The following PCDH15 variants were observed in gnomAD, a reference collection of about 807,000 sequenced individuals.
The protein encoded by PCDH15 is protocadherin-15.
PCDH15 carries 129 observed loss-of-function variants against 178.5 expected under a neutral mutation model. That is an observed-to-expected ratio of 0.72 (90% CI 0.63 to 0.84). The LOEUF is 0.84. Among genes scored for constraint, PCDH15 ranks in the 40% least tolerant of loss-of-function variants. The pLI is 0.00. For synonymous variants in PCDH15, 800 were observed against 732.0 expected, an observed-to-expected ratio of 1.09 and a Z score of -1.50; for missense variants, 2,230 against 2,099.9, an observed-to-expected ratio of 1.06 and a Z score of -1.21.
At chr10:53,961,292 T>C (rs11003946) in intron 22 of PCDH15, among the ~76,000 whole-genome samples, 2,187 of 152,180 alleles carry the variant, frequency 0.014, 50 homozygotes, top group African/African-American at 0.047. Flanking sequence ...AGTTGCATGA[T>C]AGCATTTATT....
rs546114179 is a variant in PCDH15 at position 55,415,663 on chromosome 10, C to T, written c.-156+211962G>A. On this transcript the variant is annotated intron_variant, in intron 2 of 5. Coordinates refer to the PCDH15 transcript ENST00000613346. ...TACCAGGATGAAATAAAATCAATGT[C>T]CTCATGAAGCATAATGTTGGAGCTG... is the stretch of plus-strand genomic sequence containing the variant. Among the ~76,000 whole-genome samples, 5 of 151,620 alleles carry T rather than the reference C, an allele frequency of 3.3e-5. No homozygotes were observed. In the East Asian group the frequency reaches 9.7e-4, roughly 29 times the overall value.
chr10:55,183,168 A>G (rs1349744612), intron 1 of PCDH15, among the ~76,000 whole-genome samples: 1 of 152,016 alleles, frequency 6.6e-6, no homozygotes, highest in Non-Finnish European at 1.5e-5. Flanking sequence ...AGTTTTAGAA[A>G]TAGAATTTGA....
chr10:55,216,629 A>G lies in PCDH15; in HGVS notation c.-155-49978T>C, dbSNP rs139290708. Among the ~76,000 whole-genome samples the G allele has an allele frequency of 3.2e-4, 48 of 152,018 alleles. No individual in the cohort carries two copies. In the East Asian group the frequency reaches 9.1e-3, roughly 29 times the overall value. On this transcript the variant is annotated intron_variant, in intron 1 of 5. Coordinates refer to the PCDH15 transcript ENST00000458638. ...TCACAAAAAAAATGATAAATGTTTA[A>G]GGTGATGGATATGCTAATTACCTTG...
At chr10:55,260,699 A>C (rs1842126971) in intron 1 of PCDH15, among the ~76,000 whole-genome samples, 1 of 152,226 alleles carries the variant, frequency 6.6e-6, no homozygotes, top group African/African-American at 2.4e-5. Context: ...AAAGTCATTT[A>C]AATACAAATA....
At chr10:54,003,920 G>T (rs374447233) in intron 20 of PCDH15, among the ~76,000 whole-genome samples, 1 of 151,758 alleles carries the variant, frequency 6.6e-6, no homozygotes, top group East Asian at 1.9e-4. Flanking sequence ...ATTCAACATC[G>T]TATTTAAAAG....
At chr10:54,575,131 C>G (rs1302929885) in intron 2 of PCDH15, 4 of 127,690 alleles carry the variant, frequency 3.1e-5, no homozygotes, top group Non-Finnish European at 4.7e-5. Flanking sequence ...AAGGGAATAT[C>G]ACACTCTGGG....
chr10:55,174,148 A>C (rs1056762033), intron 1 of PCDH15, among the ~76,000 whole-genome samples: 2 of 152,166 alleles, frequency 1.3e-5, no homozygotes, highest in Non-Finnish European at 2.9e-5. Context: ...TAAATTGATA[A>C]ATGCTTACTT....
chr10:54,990,299 AT>A (rs960114573), intron 2 of PCDH15, among the ~76,000 whole-genome samples: 3 of 152,004 alleles, frequency 2.0e-5, no homozygotes, highest in Admixed American at 6.6e-5. Context: ...AGAAAATACC[AT>A]TTTTTTTAAA....
chr10:55,042,088 T>A (rs7081117), intron 2 of PCDH15, among the ~76,000 whole-genome samples: 10 of 151,984 alleles, frequency 6.6e-5, no homozygotes, highest in African/African-American at 4.8e-5. Context: ...TGAGCAAGCC[T>A]TTCTTGAGTA....
intron 3 of PCDH15, among the ~76,000 whole-genome samples, chr10:54,896,815 C>G (rs1276039652): frequency 6.7e-6 from 1 of 149,930 alleles, no homozygotes; most frequent in Admixed American, 6.7e-5. Flanking sequence ...ATATTTTCCC[C>G]TAATAATATA....
intron 2 of PCDH15, among the ~76,000 whole-genome samples, chr10:55,366,980 G>T (rs1588958661): frequency 1.3e-5 from 2 of 151,492 alleles, no homozygotes; most frequent in South Asian, 2.1e-4. Context: ...TTTAATAGGA[G>T]AGTTAGAGGT....
chr10:54,402,327 A>G (rs1163100863), intron 3 of PCDH15, among the ~76,000 whole-genome samples: 4 of 152,012 alleles, frequency 2.6e-5, no homozygotes, highest in Admixed American at 6.6e-5. Context: ...ATTTCTATTC[A>G]TCATGGTAGT....
intron 2 of PCDH15, among the ~76,000 whole-genome samples, chr10:55,089,439 C>A (rs1404052597): frequency 1.3e-5 from 2 of 152,004 alleles, no homozygotes; most frequent in Non-Finnish European, 1.5e-5. Context: ...AATGTTACCA[C>A]ATTTTTTTCA....
At chr10:54,280,948 A>T (rs1591564187) in intron 8 of PCDH15, among the ~76,000 whole-genome samples, 2 of 152,012 alleles carry the variant, frequency 1.3e-5, no homozygotes, top group Admixed American at 1.3e-4. Flanking sequence ...TTAAAAATTT[A>T]AAAATAACTT....
intron 2 of PCDH15, chr10:54,575,297 T>C (rs1161694896): frequency 6.6e-6 from 1 of 152,176 alleles, no homozygotes; most frequent in Non-Finnish European, 1.5e-5. Flanking sequence ...ACTTAAAGTA[T>C]AATAAAAAAA....
At chr10:55,325,265 C>A (rs1407827355) in intron 2 of PCDH15, among the ~76,000 whole-genome samples, 1 of 151,956 alleles carries the variant, frequency 6.6e-6, no homozygotes, top group Non-Finnish European at 1.5e-5. Flanking sequence ...ATAGCTTGGG[C>A]AACCCTAAGC....
At chr10:53,811,423 C>A in intron 36 of PCDH15, 126 bp downstream of exon 36, 1 of 522,182 alleles carries the variant, frequency 1.9e-6, no homozygotes. Context: ...TATTCATTTT[C>A]AAGTATTATA....
chr10:55,272,719 C>G (rs568452846), intron 1 of PCDH15, among the ~76,000 whole-genome samples: 1 of 152,030 alleles, frequency 6.6e-6, no homozygotes, highest in South Asian at 2.1e-4. Flanking sequence ...AGAATTCAGT[C>G]TAAGAATTAG....
At chr10:53,839,501 TATG>T (rs1216148145) in intron 29 of PCDH15, among the ~76,000 whole-genome samples, 4 of 152,066 alleles carry the variant, frequency 2.6e-5, no homozygotes, top group Admixed American at 1.3e-4. Context: ...AAAACTAAAT[TATG>T]ATGTTTCACA....
Sources: gnomAD v4.1 joint callset for allele counts (sites outside exome capture counted in the v4.1 genomes callset) on GRCh38, gnomAD v4.1.1 for gene constraint, MANE v1.5 for transcripts, NCBI Gene and HGNC (gene_info 2026-07-23, HGNC 2026-07-21) for gene names.